ADGRL2: variants seen among roughly 807,000 people sequenced by gnomAD.
ADGRL2 encodes the protein calcium-independent alpha-latrotoxin receptor 2.
ADGRL2 carries 44 observed loss-of-function variants against 157.4 expected under a neutral mutation model. The observed-to-expected ratio is 0.28, with a 90% confidence interval of 0.22 to 0.36. The LOEUF is 0.36. Ranked by LOEUF, ADGRL2 falls within the 10% of genes least tolerant of loss-of-function variation. The pLI is 1.00. For missense variants in ADGRL2, 1,510 were observed against 1,768.9 expected, an observed-to-expected ratio of 0.85 and a Z score of 2.63; for synonymous variants, 585 against 624.7, an observed-to-expected ratio of 0.94 and a Z score of 0.95.
intron 17 of ADGRL2, among the ~76,000 whole-genome samples, chr1:81,978,827 T>A (rs1660862596): frequency 6.6e-6 from 1 of 151,788 alleles, no homozygotes. Context: ...GGAATTAAAT[T>A]CATCCTTACC....
In ADGRL2 at chr1:81,763,800, A is replaced by C. The variant is rs147944084; in HGVS notation, c.-101+1948A>C. Among the ~76,000 whole-genome samples the C allele has an allele frequency of 5.1e-3, 770 of 152,182 alleles. 10 individuals are homozygous for C. Among genetic ancestry groups the C allele is most frequent in the South Asian group, 0.022 (106 of 4,824 alleles). ...GGCGGGCGGATTACCTGAGGTCAGG[A>C]GTTCGAGATCAGCCTGGCTAACATG... On this transcript the variant is annotated intron_variant, in intron 2 of 20. Transcript: ENST00000359929.
Position 81,444,545 on chromosome 1 carries a change from C to T in ADGRL2, c.-301-491C>T, listed in dbSNP as rs141734460. Among the ~76,000 whole-genome samples the T allele has an allele frequency of 2.6e-3, 394 of 152,288 alleles. 3 individuals carry two copies. The highest frequency in any genetic ancestry group is 8.9e-3 in the African/African-American group (369 of 41,564). On this transcript the variant is annotated intron_variant, in intron 1 of 24. Transcript: ENST00000370721. ...GGAGGAACAGATGCTCAGTTCCTAA[C>T]GGTCAAAGTTTGGCCTTTTCCCTCC...
chr1:81,514,718 A>G (rs2079142868), intron 2 of ADGRL2: 1 of 152,226 alleles, frequency 6.6e-6, no homozygotes, highest in Admixed American at 6.5e-5. Context: ...TCAAGAACAT[A>G]AAGTTGATTT....
chr1:81,925,156 A>G (rs2095075120), intron 3 of ADGRL2, among the ~76,000 whole-genome samples: 2 of 152,120 alleles, frequency 1.3e-5, no homozygotes, highest in African/African-American at 4.8e-5. Context: ...AAAAAGATTC[A>G]TGGCTTTCTG....
intron 1 of ADGRL2, among the ~76,000 whole-genome samples, chr1:81,707,895 A>G (rs2083791441): frequency 6.6e-6 from 1 of 152,170 alleles, no homozygotes; most frequent in Non-Finnish European, 1.5e-5. Flanking sequence ...TTTACCTAAT[A>G]GGTAATCTCT....
chr1:81,634,891 G>A (rs2082087084), intron 3 of ADGRL2, among the ~76,000 whole-genome samples: 1 of 152,142 alleles, frequency 6.6e-6, no homozygotes, highest in South Asian at 2.1e-4. Context: ...CCTGCCTGCA[G>A]TTGAAGAGTT....
intron 3 of ADGRL2, among the ~76,000 whole-genome samples, chr1:81,638,495 A>T (rs2148791030): frequency 6.6e-6 from 1 of 152,310 alleles, no homozygotes; most frequent in South Asian, 2.1e-4. Flanking sequence ...TACTTGTATA[A>T]GTGCGATAAA....
chr1:81,928,458 G>A (rs1489655298), intron 3 of ADGRL2, among the ~76,000 whole-genome samples: 2 of 152,070 alleles, frequency 1.3e-5, no homozygotes, highest in Admixed American at 1.3e-4. Flanking sequence ...AGATTCTTAT[G>A]TGCTAGGCAT....
chr1:81,313,067 G>A (rs1355444965), intron 1 of ADGRL2, among the ~76,000 whole-genome samples: 1 of 152,140 alleles, frequency 6.6e-6, no homozygotes. Flanking sequence ...ACAATACTAA[G>A]TTCACTGAAG....
chr1:81,468,145 G>C (rs1296660392), intron 2 of ADGRL2, among the ~76,000 whole-genome samples: 2 of 152,086 alleles, frequency 1.3e-5, no homozygotes, highest in Admixed American at 1.3e-4. Flanking sequence ...AAAATATGAT[G>C]AAGTTCTCCA....
intron 1 of ADGRL2, chr1:81,426,675 G>A (rs780164358): frequency 6.4e-6 from 3 of 467,576 alleles, no homozygotes; most frequent in African/African-American, 2.0e-5. Context: ...CAAAGAAAAC[G>A]TTCCAGGGGG....
intron 3 of ADGRL2, among the ~76,000 whole-genome samples, chr1:81,631,025 GA>G (rs1202073024): frequency 1.3e-5 from 2 of 151,774 alleles, no homozygotes; most frequent in Non-Finnish European, 2.9e-5. Context: ...AAAGAACAGT[GA>G]AAAAAATCTA....
intron 1 of ADGRL2, among the ~76,000 whole-genome samples, chr1:81,705,027 A>T (rs1014424154): frequency 6.6e-6 from 1 of 152,156 alleles, no homozygotes; most frequent in Non-Finnish European, 1.5e-5. Flanking sequence ...TGAACAAAAC[A>T]GTGTTGTTGT....
chr1:81,465,800 CAAAG>C (rs1345384440), intron 2 of ADGRL2, among the ~76,000 whole-genome samples: 1 of 152,066 alleles, frequency 6.6e-6, no homozygotes, highest in East Asian at 1.9e-4. Context: ...TTTGTCCAAA[CAAAG>C]AAAAATGAAA....
chr1:81,512,023 A>T (rs1223371287), intron 2 of ADGRL2, among the ~76,000 whole-genome samples: 1 of 152,128 alleles, frequency 6.6e-6, no homozygotes, highest in Non-Finnish European at 1.5e-5. Flanking sequence ...GTCTGTGCAA[A>T]CTTAGGATGG....
Position 81,931,076 on chromosome 1 carries a change from G to C in ADGRL2, c.288-5652G>C, listed in dbSNP as rs570674655. Among the ~76,000 whole-genome samples the C allele has an allele frequency of 2.8e-4, 42 of 152,328 alleles. No individual in the cohort carries two copies. The Middle Eastern group carries it at 0.01, about 37-fold the overall frequency. On this transcript the variant is annotated intron_variant, in intron 3 of 23. Coordinates refer to ENST00000686636, the MANE Select transcript of ADGRL2 (RefSeq NM_001366006.2). ...AGGCAGGAGAATTGCTTGACCCCGG[G>C]AGGCCAAGGTTGCAGTGAGCCAAGA...
At chr1:81,647,361 C>A (rs77023099) in intron 3 of ADGRL2, among the ~76,000 whole-genome samples, 19,124 of 152,154 alleles carry the variant, frequency 0.13, 1,651 homozygotes, top group Non-Finnish European at 0.18. Flanking sequence ...CATCCCTAAT[C>A]TGAAAATTTG....
At chr1:81,312,843 C>A (rs1293648879) in intron 1 of ADGRL2, among the ~76,000 whole-genome samples, 3 of 151,970 alleles carry the variant, frequency 2.0e-5, no homozygotes, top group African/African-American at 7.3e-5. Flanking sequence ...AAAACAAAAA[C>A]CAAAGACATT....
intron 3 of ADGRL2, among the ~76,000 whole-genome samples, chr1:81,671,235 C>T (rs559848392): frequency 1.3e-5 from 2 of 152,284 alleles, no homozygotes; most frequent in South Asian, 2.1e-4. Context: ...AAGAGGCCCA[C>T]GCTGGCCCTA....
Sources: allele counts gnomAD v4.1 joint callset (sites outside exome capture counted in the v4.1 genomes callset), GRCh38; gene constraint gnomAD v4.1.1; transcripts MANE v1.5; gene names NCBI Gene and HGNC (gene_info 2026-07-23, HGNC 2026-07-21).